Variants in CNOT6L observed in about 807,000 individuals in gnomAD.
CNOT6L encodes the protein CCR4-NOT transcription complex subunit 6 like, also known as CCR4-NOT transcription complex subunit 6-like.
Under a neutral mutation model 64.0 loss-of-function variants are expected in CNOT6L, and 7 were observed. The observed-to-expected ratio is 0.11, with a 90% CI of 0.06 to 0.21. The LOEUF (loss-of-function observed/expected upper bound fraction) is 0.21, where lower values mean the gene tolerates loss of function less well. Ranked by LOEUF, CNOT6L falls within the 10% of genes least tolerant of loss-of-function variation. CNOT6L has a pLI of 1.00. For synonymous variants in CNOT6L, 193 were observed against 243.4 expected, an observed-to-expected ratio of 0.79 and a Z score of 1.93; for missense variants, 245 against 669.0, an observed-to-expected ratio of 0.37 and a Z score of 6.99.
chr4:77,771,036 T>C (rs1727482257), intron 4 of CNOT6L, among the ~76,000 whole-genome samples: 1 of 152,224 alleles, frequency 6.6e-6, no homozygotes, highest in African/African-American at 2.4e-5. Context: ...CAGTAAATTA[T>C]TCGCCCTGCA....
intron 1 of CNOT6L, among the ~76,000 whole-genome samples, chr4:77,789,594 A>T (rs192597007): frequency 3.8e-4 from 57 of 151,592 alleles, no homozygotes; most frequent in Admixed American, 3.5e-3. Context: ...CAGGAGGTTA[A>T]GGCTGCAGTG....
intron 4 of CNOT6L, among the ~76,000 whole-genome samples, chr4:77,759,283 T>G (rs2110008770): frequency 6.6e-6 from 1 of 151,656 alleles, no homozygotes; most frequent in East Asian, 2.0e-4. Context: ...AGATGGGTTG[T>G]GGCTGGGCAC....
At chr4:77,754,169 T>C (rs986927290) in intron 5 of CNOT6L, among the ~76,000 whole-genome samples, 2 of 152,168 alleles carry the variant, frequency 1.3e-5, no homozygotes, top group African/African-American at 4.8e-5. Context: ...AAAAAATGCA[T>C]TAGCATTAAA....
upstream of CNOT6L, among the ~76,000 whole-genome samples, chr4:77,820,217 A>G (rs1434845621): frequency 6.6e-6 from 1 of 152,112 alleles, no homozygotes; most frequent in African/African-American, 2.4e-5. Flanking sequence ...AACAAGGTGC[A>G]GAGAGTGCGA....
At chr4:77,750,646 C>A (rs1724754369) in intron 5 of CNOT6L, among the ~76,000 whole-genome samples, 1 of 152,192 alleles carries the variant, frequency 6.6e-6, no homozygotes, top group Non-Finnish European at 1.5e-5. Flanking sequence ...AGCCACTGCA[C>A]CTGGCCTAAA....
intron 1 of CNOT6L, chr4:77,819,040 G>A (rs777503491): frequency 9.0e-6 from 5 of 554,510 alleles, no homozygotes; most frequent in Middle Eastern, 4.3e-4. Context: ...CCGGCCCCGG[G>A]CCACCCCCGA....
rs542944308 is a variant in CNOT6L at position 77,773,713 on chromosome 4, G to A, written c.315-547C>T. Among the ~76,000 whole-genome samples the A allele has an allele frequency of 1.4e-4, 22 of 152,008 alleles. 1 individual carries two copies. In the East Asian group the frequency reaches 4.1e-3, roughly 28 times the overall value. ...AAAAGAATAAGAAACAACAGGTGAA[G>A]TATATTAAAGAAGACAAAAGAAAAT... On this transcript the variant is annotated intron_variant, in intron 3 of 11. Transcript: ENST00000504123.
At position 77,782,465 on chromosome 4, in the gene CNOT6L, TG is replaced by T. The variant is rs529714843; in HGVS notation, c.6-6074del. Among the ~76,000 whole-genome samples the T allele has an allele frequency of 4.6e-3, 696 of 152,084 alleles. 8 individuals are homozygous for T. Among genetic ancestry groups the T allele is most frequent in the African/African-American group, 0.016 (672 of 41,464 alleles). On this transcript the variant is annotated intron_variant, in intron 1 of 11. Coordinates refer to ENST00000504123, the MANE Select transcript of CNOT6L (RefSeq NM_144571.3). ...CTCCCTCCTCAGACTCCCCAGTAGC[TG>T]GGACTACAGGCACATGTTATCACAC...
intron 1 of CNOT6L, among the ~76,000 whole-genome samples, chr4:77,811,874 TAAA>T (rs34864447): frequency 2.0e-4 from 28 of 140,878 alleles, no homozygotes; most frequent in Admixed American, 2.8e-4. Flanking sequence ...AGGAGCAGTT[TAAA>T]AAAAAAAAAA....
intron 1 of CNOT6L, among the ~76,000 whole-genome samples, chr4:77,781,762 A>G (rs1728882803): frequency 6.6e-6 from 1 of 152,206 alleles, no homozygotes; most frequent in South Asian, 2.1e-4. Context: ...TAAGTCCTAT[A>G]GTGTTAAATT....
intron 1 of CNOT6L, among the ~76,000 whole-genome samples, chr4:77,783,827 T>C (rs2110088092): frequency 6.6e-6 from 1 of 151,674 alleles, no homozygotes; most frequent in South Asian, 2.1e-4. Flanking sequence ...AGGAAATACT[T>C]GGATTCAATA....
intron 1 of CNOT6L, among the ~76,000 whole-genome samples, chr4:77,817,305 ATACAT>A (rs1401644948): frequency 5.9e-5 from 9 of 152,206 alleles, no homozygotes; most frequent in African/African-American, 1.9e-4. Flanking sequence ...AACTTCTTAT[ATACAT>A]TAAAGTTTAT....
In CNOT6L at chr4:77,773,173, TAAAAA is replaced by T; in HGVS notation, c.315-12_315-8del. Reference sequence around the variant, plus strand: ...GTTATTTAAAAGCAATTCCCTGTTTTAAAAAAAAAAAAAAAATTAGTTTAATATAC... The same window carrying T: ...GTTATTTAAAAGCAATTCCCTGTTTTAAAAAAAAAAATTAGTTTAATATAC... On this transcript the variant is annotated splice_polypyrimidine_tract_variant and splice_region_variant and intron_variant, in intron 3 of 11. Coordinates refer to ENST00000504123, the MANE Select transcript of CNOT6L (RefSeq NM_144571.3). The T allele has an allele frequency of 3.1e-6, 4 of 1,280,302 alleles. No homozygotes were observed. The highest frequency in any genetic ancestry group is 3.2e-6 in the Non-Finnish European group (3 of 943,830). The allele number at this position is 1,280,302 out of a possible 1,614,324, so 79.3% of individuals were successfully genotyped here.
chr4:77,805,410 A>C lies in CNOT6L; in HGVS notation c.5+13894T>G, dbSNP rs372016189. Among the ~76,000 whole-genome samples the C allele has an allele frequency of 2.6e-5, 4 of 152,200 alleles. No individual in the cohort carries two copies. The East Asian group carries it at 7.7e-4, about 29-fold the overall frequency. ...AACCTAGGTTCCATAAATCTCAGGA[A>C]ACCTGTGAATTTATATAGAAAAAAA... is the stretch of plus-strand genomic sequence containing the variant. On this transcript the variant is annotated intron_variant, in intron 1 of 11. Coordinates refer to ENST00000504123, the MANE Select transcript of CNOT6L (RefSeq NM_144571.3).
intron 1 of CNOT6L, among the ~76,000 whole-genome samples, chr4:77,782,183 C>T (rs1728934488): frequency 6.6e-6 from 1 of 152,126 alleles, no homozygotes; most frequent in African/African-American, 2.4e-5. Flanking sequence ...ACTACATACT[C>T]ATCTTAATAA....
chr4:77,753,403 G>A (rs1442099078), intron 5 of CNOT6L, among the ~76,000 whole-genome samples: 2 of 152,100 alleles, frequency 1.3e-5, no homozygotes, highest in Admixed American at 6.6e-5. Context: ...GGGCGCACTG[G>A]CTCAAACCTG....
chr4:77,768,809 G>A (rs916178348), intron 4 of CNOT6L, among the ~76,000 whole-genome samples: 1 of 151,946 alleles, frequency 6.6e-6, no homozygotes, highest in Non-Finnish European at 1.5e-5. Context: ...TCAAGTGTTG[G>A]AGAAAAGACT....
At chr4:77,773,863 G>A (rs1022653704) in intron 3 of CNOT6L, among the ~76,000 whole-genome samples, 1 of 152,076 alleles carries the variant, frequency 6.6e-6, no homozygotes, top group Non-Finnish European at 1.5e-5. Context: ...TTATGATTGT[G>A]AAATTTTGAG....
chr4:77,783,090 C>T (rs982795756), intron 1 of CNOT6L, among the ~76,000 whole-genome samples: 1 of 121,606 alleles, frequency 8.2e-6, no homozygotes, highest in Non-Finnish European at 1.6e-5. Context: ...ATAATGCAAA[C>T]ATTTTTTTAA....
Sources: gnomAD v4.1 joint callset for allele counts (sites outside exome capture counted in the v4.1 genomes callset) on GRCh38, gnomAD v4.1.1 for gene constraint, MANE v1.5 for transcripts, NCBI Gene and HGNC (gene_info 2026-07-23, HGNC 2026-07-21) for gene names.